The following BLTP1 variants were observed in gnomAD, a reference collection of about 807,000 sequenced individuals.
The protein encoded by BLTP1 is bridge-like lipid transfer protein family member 1, also known as fragile site-associated protein.
the BLTP1 span, chr4:122,271,020 A>G: frequency 1.3e-6 from 2 of 1,583,392 alleles, no homozygotes; most frequent in Non-Finnish European, 1.7e-6. Flanking sequence ...GTTTTTAGGC[A>G]AGGCCATGTG....
the BLTP1 span, among the ~76,000 whole-genome samples, chr4:122,278,545 C>T: frequency 1.3e-5 from 2 of 152,174 alleles, no homozygotes; most frequent in Admixed American, 6.5e-5. Flanking sequence ...TTTCTGAAAT[C>T]ACTCTCTTAA....
chr4:122,245,905 C>A, the BLTP1 span, among the ~76,000 whole-genome samples: 1 of 152,046 alleles, frequency 6.6e-6, no homozygotes, highest in Non-Finnish European at 1.5e-5. Flanking sequence ...AATTACTGTA[C>A]CATTTTTTCT....
the BLTP1 span, chr4:122,209,701 G>A: frequency 7.7e-7 from 1 of 1,301,412 alleles, no homozygotes. Flanking sequence ...GTGCTTATAT[G>A]TGGAGAAATT....
chr4:122,224,427 G>T, the BLTP1 span: 1 of 1,482,478 alleles, frequency 6.7e-7, no homozygotes, highest in Non-Finnish European at 9.1e-7. Flanking sequence ...CAGGGGGTGT[G>T]GGGGGAAACA....
At chr4:122,170,575 T>C in the BLTP1 span, 3 of 1,453,508 alleles carry the variant, frequency 2.1e-6, no homozygotes, top group Non-Finnish European at 2.7e-6. Context: ...TGCAATTTTA[T>C]AAATCTCTGA....
the BLTP1 span, chr4:122,207,362 A>G: frequency 1.5e-6 from 2 of 1,377,246 alleles, no homozygotes; most frequent in South Asian, 1.4e-5. Flanking sequence ...AACAGATACT[A>G]GAAGTTATTT....
chr4:122,280,578 G>A, the BLTP1 span, among the ~76,000 whole-genome samples: 4,670 of 150,272 alleles, frequency 0.031, 250 homozygotes, highest in African/African-American at 0.11. Flanking sequence ...CAGGAGAATC[G>A]CTTGAACCCG....
the BLTP1 span, among the ~76,000 whole-genome samples, chr4:122,175,473 T>A: frequency 1.3e-5 from 2 of 152,204 alleles, no homozygotes; most frequent in Middle Eastern, 3.2e-3. Context: ...CCTGTAGAAC[T>A]AGGTATCTGT....
At chr4:122,243,632 C>G in the BLTP1 span, among the ~76,000 whole-genome samples, 1 of 152,016 alleles carries the variant, frequency 6.6e-6, no homozygotes, top group Non-Finnish European at 1.5e-5. Context: ...GCCTGTAATC[C>G]CAGCTACTTG....
chr4:122,312,792 T>G, the BLTP1 span: 1 of 788,510 alleles, frequency 1.3e-6, no homozygotes, highest in Non-Finnish European at 1.5e-6. Flanking sequence ...ACCTAAAATA[T>G]GAATAGTAAG....
the BLTP1 span, chr4:122,304,976 A>G: frequency 6.2e-7 from 1 of 1,613,756 alleles, no homozygotes; most frequent in South Asian, 1.1e-5. Context: ...CAAATTGTCA[A>G]ACATCAGGTG....
chr4:122,190,216 C>T, the BLTP1 span: 4 of 1,151,398 alleles, frequency 3.5e-6, no homozygotes, highest in Non-Finnish European at 4.7e-6. Flanking sequence ...CCTACTTCAG[C>T]CTCCTGAGTT....
chr4:122,246,468 T>G, the BLTP1 span: 1 of 609,366 alleles, frequency 1.6e-6, no homozygotes, highest in Non-Finnish European at 2.1e-6. Flanking sequence ...ATAGTTTACT[T>G]AAGCAGAATA....
At chr4:122,321,567 GATAT>G in the BLTP1 span, among the ~76,000 whole-genome samples, 2 of 151,968 alleles carry the variant, frequency 1.3e-5, no homozygotes, top group African/African-American at 4.8e-5. Context: ...ACACACATGT[GATAT>G]ATATAGTCAA....
At chr4:122,198,328 A>G in the BLTP1 span, 1 of 985,342 alleles carries the variant, frequency 1.0e-6, no homozygotes, top group South Asian at 4.7e-5. Context: ...AATTCAGAGT[A>G]CGCAGTTCGA....
At chr4:122,219,578 A>G in the BLTP1 span, 1 of 1,595,262 alleles carries the variant, frequency 6.3e-7, no homozygotes, top group Non-Finnish European at 8.6e-7. Flanking sequence ...GTAAGTGTTT[A>G]CACATGAAAG....
At chr4:122,154,649 G>A in the BLTP1 span, among the ~76,000 whole-genome samples, 4 of 152,106 alleles carry the variant, frequency 2.6e-5, no homozygotes, top group Admixed American at 6.5e-5. Flanking sequence ...CGAGGCGGGC[G>A]GATCACAAGG....
At chr4:122,245,107 T>G in the BLTP1 span, 6 of 1,610,638 alleles carry the variant, frequency 3.7e-6, no homozygotes, top group African/African-American at 2.7e-5. Context: ...TCAGGGAAGC[T>G]GTCCAAAATA....
At chr4:122,225,017 A>G in the BLTP1 span, 1 of 1,004,670 alleles carries the variant, frequency 1.0e-6, no homozygotes, top group African/African-American at 1.7e-5. Context: ...CCATTGTTGG[A>G]AAAATCTTAT....
Sources: allele counts gnomAD v4.1 joint callset (sites outside exome capture counted in the v4.1 genomes callset), GRCh38; gene constraint gnomAD v4.1.1; transcripts MANE v1.5; gene names NCBI Gene and HGNC (gene_info 2026-07-23, HGNC 2026-07-21).